The following AP2B1 variants were observed in gnomAD, a reference collection of about 807,000 sequenced individuals.
AP2B1 encodes the protein adaptor related protein complex 2 subunit beta 1, also known as AP-2 complex subunit beta.
In AP2B1, 23 loss-of-function variants were observed where a neutral mutation model predicts 102.0. The ratio of observed to expected loss-of-function variants is 0.23; its 90% CI spans 0.16 to 0.32. The LOEUF is 0.32. Among genes scored for constraint, AP2B1 ranks in the 10% least tolerant of loss-of-function variants. The pLI is 1.00. For synonymous variants in AP2B1, 381 were observed against 421.2 expected (o/e 0.90, Z 1.17); for missense variants, 541 against 1,157.4 (o/e 0.47, Z 7.73).
intron 5 of AP2B1, among the ~76,000 whole-genome samples, chr17:35,611,656 G>A (rs145042143): frequency 7.9e-5 from 12 of 152,280 alleles, no homozygotes; most frequent in African/African-American, 2.6e-4. Flanking sequence ...GGTGGCATAC[G>A]TATGCTATTT....
intron 5 of AP2B1, among the ~76,000 whole-genome samples, chr17:35,614,964 G>A (rs1184340154): frequency 1.3e-5 from 2 of 152,184 alleles, no homozygotes; most frequent in Non-Finnish European, 2.9e-5. Context: ...GCAATGTCTA[G>A]TAACATTTTT....
rs79047308 is a variant in AP2B1 at position 35,705,364 on chromosome 17, C to T, written c.2455-3860C>T. On this transcript the variant is annotated intron_variant, in intron 18 of 21. Coordinates refer to ENST00000610402, the MANE Select transcript of AP2B1 (RefSeq NM_001030006.2). ...AGGAATCATTAAGCTAACAATCTGCCGATAAGCCTTTTAAAAAGTCTCTTC... is the reference window on the plus strand; with the variant it reads ...AGGAATCATTAAGCTAACAATCTGCTGATAAGCCTTTTAAAAAGTCTCTTC... 5.2e-3 allele frequency among the ~76,000 whole-genome samples: 799 copies of T among 152,222 alleles called. 2 individuals carry two copies. The highest frequency in any genetic ancestry group is 8.3e-3 in the Non-Finnish European group (567 of 68,018).
intron 1 of AP2B1, among the ~76,000 whole-genome samples, chr17:35,588,395 G>T (rs2072972156): frequency 1.3e-5 from 2 of 152,270 alleles, no homozygotes; most frequent in Middle Eastern, 6.8e-3. Flanking sequence ...TCCCGCTTCG[G>T]CCTCCTAAAG....
intron 5 of AP2B1, chr17:35,621,368 G>A: frequency 1.0e-6 from 1 of 983,112 alleles, no homozygotes; most frequent in East Asian, 1.1e-4. Flanking sequence ...TGCCTGGTGA[G>A]CCTGCCTCAG....
At chr17:35,658,263 CT>C (rs142619885) in intron 14 of AP2B1, among the ~76,000 whole-genome samples, 52 of 130,328 alleles carry the variant, frequency 4.0e-4, no homozygotes, top group Admixed American at 3.2e-3. Context: ...TTGAGGCAGC[CT>C]TTTTTTTTCT....
At chr17:35,682,867 G>C (rs1376508478) in intron 18 of AP2B1, 43 bp downstream of exon 18, 1 of 1,538,360 alleles carries the variant, frequency 6.5e-7, no homozygotes. Context: ...TTAATATCTT[G>C]ACAATTATTA....
intron 4 of AP2B1, 109 bp from the exon 5 acceptor site, chr17:35,608,033 A>C: frequency 3.0e-6 from 4 of 1,327,022 alleles, no homozygotes; most frequent in Non-Finnish European, 4.2e-6. Context: ...TGTAGAATGT[A>C]TCTGGAAGCT....
At chr17:35,682,379 A>G (rs1473782925) in intron 17 of AP2B1, among the ~76,000 whole-genome samples, 6 of 89,004 alleles carry the variant, frequency 6.7e-5, no homozygotes, top group Admixed American at 5.4e-4. Flanking sequence ...TTTCACTCTT[A>G]TTGACCAGGC....
chr17:35,711,605 A>C (rs1288473703), intron 20 of AP2B1, among the ~76,000 whole-genome samples: 1 of 152,014 alleles, frequency 6.6e-6, no homozygotes, highest in Non-Finnish European at 1.5e-5. Context: ...AGTAGCTGGG[A>C]CTACAGGCGC....
chr17:35,653,469 T>C (rs947366684), intron 13 of AP2B1, among the ~76,000 whole-genome samples: 2 of 152,116 alleles, frequency 1.3e-5, no homozygotes, highest in Admixed American at 6.5e-5. Flanking sequence ...TGTTTATTTG[T>C]TTGTTTGTTT....
At chr17:35,621,186 A>G (rs2074165735) in intron 5 of AP2B1, 2 of 284,016 alleles carry the variant, frequency 7.0e-6, no homozygotes, top group Non-Finnish European at 1.1e-5. Context: ...TTCCAAAGAA[A>G]CAGTATAAAC....
chr17:35,643,761 T>C (rs996223740), intron 12 of AP2B1, among the ~76,000 whole-genome samples: 11 of 152,226 alleles, frequency 7.2e-5, no homozygotes, highest in Admixed American at 1.3e-4. Context: ...ACAGTCGTCA[T>C]GGGAAACTAC....
At chr17:35,595,429 C>T (rs2073236675) in intron 2 of AP2B1, among the ~76,000 whole-genome samples, 1 of 152,080 alleles carries the variant, frequency 6.6e-6, no homozygotes, top group Non-Finnish European at 1.5e-5. Context: ...CACCTGTAGT[C>T]CCAGCTATTT....
At position 35,657,601 on chromosome 17, in the gene AP2B1, C is replaced by CACATGTGTATG; in HGVS notation, c.1799_1800insACATGTGTATG (p.Asp601HisfsTer32). The CACATGTGTATG allele has an allele frequency of 6.2e-7, 1 of 1,612,290 alleles. No individual in the cohort carries two copies. Among genetic ancestry groups the CACATGTGTATG allele is most frequent in the Non-Finnish European group, 8.5e-7 (1 of 1,178,756 alleles). ...ATTTTATGTGTATGTGACTTTAGCA[C>CACATGTGTATG]TGATGCAGGTGACAGCCCTGTTGGC... On this transcript the variant is annotated frameshift_variant, in exon 14 of 22. Coordinates refer to ENST00000610402, the MANE Select transcript of AP2B1 (RefSeq NM_001030006.2). LOFTEE classifies it high-confidence loss of function.
chr17:35,643,748 A>G (rs899243070), intron 12 of AP2B1, among the ~76,000 whole-genome samples: 11 of 152,144 alleles, frequency 7.2e-5, no homozygotes, highest in African/African-American at 2.7e-4. Context: ...GTCTGTAGTA[A>G]TAACAGTCGT....
chr17:35,698,441 T>TGGGAGTAGC (rs1568010533), intron 18 of AP2B1, among the ~76,000 whole-genome samples: 3 of 152,128 alleles, frequency 2.0e-5, no homozygotes, highest in Non-Finnish European at 4.4e-5. Flanking sequence ...TGACCAGTAG[T>TGGGAGTAGC]TGGGACTGTA....
chr17:35,657,488 C>A, intron 13 of AP2B1, 111 bp from the exon 14 acceptor site: 1 of 728,202 alleles, frequency 1.4e-6, no homozygotes, highest in South Asian at 2.9e-5. Context: ...AGTTTTTCCC[C>A]CTTGTATTTG....
At chr17:35,622,319 C>A (rs545101538) in intron 5 of AP2B1, among the ~76,000 whole-genome samples, 2 of 152,116 alleles carry the variant, frequency 1.3e-5, no homozygotes, top group Non-Finnish European at 2.9e-5. Context: ...GAGATGATTG[C>A]ATTTGTGGCA....
chr17:35,636,919 A>G (rs1394066422), intron 10 of AP2B1, among the ~76,000 whole-genome samples: 1 of 152,184 alleles, frequency 6.6e-6, no homozygotes, highest in African/African-American at 2.4e-5. Context: ...TTTGCATGTT[A>G]CCTACTACAT....
Sources: gnomAD v4.1 joint callset for allele counts (sites outside exome capture counted in the v4.1 genomes callset) on GRCh38, gnomAD v4.1.1 for gene constraint, MANE v1.5 for transcripts, NCBI Gene and HGNC (gene_info 2026-07-23, HGNC 2026-07-21) for gene names.